B4GALT5: variants seen among roughly 807,000 people sequenced by gnomAD.
The protein encoded by B4GALT5 is beta-1,4-galactosyltransferase 5.
B4GALT5 carries 11 observed loss-of-function variants against 45.0 expected under a neutral mutation model. The observed-to-expected ratio is 0.24, with a 90% confidence interval of 0.15 to 0.40. B4GALT5 has a LOEUF of 0.40. Ranked by LOEUF, B4GALT5 falls within the 10% of genes least tolerant of loss-of-function variation. The probability of loss-of-function intolerance (pLI) is 1.00; values close to 1 mark genes in which losing one functional copy is unlikely to be tolerated. For missense variants in B4GALT5, 337 were observed against 500.2 expected (o/e 0.67, Z 3.11); for synonymous variants, 185 against 182.9 (o/e 1.01, Z -0.09).
intron 1 of B4GALT5, among the ~76,000 whole-genome samples, chr20:49,702,874 T>C (rs2085868189): frequency 6.7e-6 from 1 of 150,014 alleles, no homozygotes. Context: ...AAAAAAACCC[T>C]AAAAAATAGT....
chr20:49,640,074 A>G (rs1473012745), intron 6 of B4GALT5, among the ~76,000 whole-genome samples: 1 of 152,204 alleles, frequency 6.6e-6, no homozygotes, highest in African/African-American at 2.4e-5. Flanking sequence ...ACCACAATCT[A>G]TATTAACATG....
intron 7 of B4GALT5, 108 bp downstream of exon 7, chr20:49,639,570 G>C: frequency 1.4e-6 from 2 of 1,467,498 alleles, no homozygotes; most frequent in South Asian, 1.3e-5. Flanking sequence ...GTAGCTACTA[G>C]AACATGTTAA....
chr20:49,654,546 T>C (rs1056513008), intron 2 of B4GALT5, among the ~76,000 whole-genome samples: 1 of 152,238 alleles, frequency 6.6e-6, no homozygotes, highest in Non-Finnish European at 1.5e-5. Context: ...GTTGCTAAAG[T>C]GGACGGCAAA....
intron 2 of B4GALT5, among the ~76,000 whole-genome samples, chr20:49,656,155 G>C (rs544286983): frequency 1.3e-5 from 2 of 152,132 alleles, no homozygotes; most frequent in East Asian, 3.9e-4. Flanking sequence ...TTGTTAAGAA[G>C]AGCCTGGCCC....
chr20:49,642,643 A>C, intron 4 of B4GALT5, 59 bp from the exon 5 acceptor site: 1 of 1,217,776 alleles, frequency 8.2e-7, no homozygotes, highest in Non-Finnish European at 1.2e-6. Flanking sequence ...ACTCCTTAGC[A>C]GGACACCCCT....
At chr20:49,698,666 G>A (rs1460359040) in intron 1 of B4GALT5, among the ~76,000 whole-genome samples, 1 of 152,124 alleles carries the variant, frequency 6.6e-6, no homozygotes, top group Non-Finnish European at 1.5e-5. Context: ...GCCCCATCCA[G>A]ACAACTGGAC....
chr20:49,668,809 T>TC (rs1472971244), intron 1 of B4GALT5, among the ~76,000 whole-genome samples: 1 of 151,738 alleles, frequency 6.6e-6, no homozygotes, highest in African/African-American at 2.4e-5. Flanking sequence ...GGTTCCAGCC[T>TC]CCCACCCCCA....
At chr20:49,697,616 C>A (rs547097800) in intron 1 of B4GALT5, among the ~76,000 whole-genome samples, 29 of 150,890 alleles carry the variant, frequency 1.9e-4, no homozygotes, top group Middle Eastern at 3.4e-3. Flanking sequence ...CATTTAGATA[C>A]CTGGTTTAGT....
rs1490501105 is a variant in B4GALT5 at position 49,634,144 on chromosome 20, A to G, written c.*2168T>C. 6.6e-6 allele frequency: 1 copy of G among 152,638 alleles called. No individual in the cohort carries two copies. The highest frequency in any genetic ancestry group is 2.4e-5 in the African/African-American group (1 of 41,448). The allele number at this position is 152,638 out of a possible 1,614,324, so 9.5% of individuals were successfully genotyped here. On this transcript the variant is annotated 3_prime_UTR_variant, in exon 9 of 9. Coordinates refer to ENST00000371711, the MANE Select transcript of B4GALT5 (RefSeq NM_004776.4). ...CATATGAGCCGATAAGAGCTTTGCA[A>G]TGCAATTTATTTTCTAAATACCACT...
chr20:49,704,556 A>G (rs2085876156), intron 1 of B4GALT5, among the ~76,000 whole-genome samples: 1 of 151,500 alleles, frequency 6.6e-6, no homozygotes, highest in African/African-American at 2.4e-5. Flanking sequence ...CGTCTCTACT[A>G]AAAATACAAA....
Position 49,635,983 on chromosome 20 carries a change from C to T in B4GALT5, c.*329G>A, listed in dbSNP as rs527757946. The T allele has an allele frequency of 1.8e-5, 5 of 277,832 alleles. No individual in the cohort carries two copies. Among genetic ancestry groups the T allele is most frequent in the Non-Finnish European group, 3.5e-5 (5 of 142,214 alleles). The allele number at this position is 277,832 out of a possible 1,614,324, so 17.2% of individuals were successfully genotyped here. ...ACCACGGCAGGACCACGGCAGATCA[C>T]AGTTCATCATGGGTTCTGGAGACTG... On this transcript the variant is annotated 3_prime_UTR_variant, in exon 9 of 9. Transcript: ENST00000371711.
intron 1 of B4GALT5, among the ~76,000 whole-genome samples, chr20:49,658,788 G>A (rs2085653382): frequency 6.6e-6 from 1 of 152,162 alleles, no homozygotes. Flanking sequence ...ATGTGCACTT[G>A]TAACAAGCTC....
intron 1 of B4GALT5, among the ~76,000 whole-genome samples, chr20:49,680,626 C>T (rs1482877670): frequency 6.6e-6 from 1 of 151,944 alleles, no homozygotes. Flanking sequence ...AATAGGTGGA[C>T]TAATAATAGA....
intron 1 of B4GALT5, among the ~76,000 whole-genome samples, chr20:49,661,423 T>C (rs2085664381): frequency 6.6e-6 from 1 of 152,112 alleles, no homozygotes; most frequent in Admixed American, 6.5e-5. Context: ...TTGGTAGAGA[T>C]GGGGTTTCAC....
At chr20:49,693,142 A>T (rs2085823603) in intron 1 of B4GALT5, among the ~76,000 whole-genome samples, 1 of 152,230 alleles carries the variant, frequency 6.6e-6, no homozygotes, top group African/African-American at 2.4e-5. Context: ...TGCCACAATG[A>T]CAAAATAGCT....
intron 1 of B4GALT5, among the ~76,000 whole-genome samples, chr20:49,685,991 G>GT (rs1453582014): frequency 6.6e-6 from 1 of 151,938 alleles, no homozygotes; most frequent in Non-Finnish European, 1.5e-5. Context: ...AGCTGCTGCT[G>GT]TAACATCTCC....
chr20:49,702,831 G>T (rs1196368686), intron 1 of B4GALT5, among the ~76,000 whole-genome samples: 2 of 151,636 alleles, frequency 1.3e-5, no homozygotes, highest in African/African-American at 4.8e-5. Context: ...CTCCAGCATG[G>T]GCAACAGAGC....
intron 1 of B4GALT5, among the ~76,000 whole-genome samples, chr20:49,668,892 C>T (rs1439760805): frequency 1.3e-5 from 2 of 152,048 alleles, no homozygotes; most frequent in Admixed American, 1.3e-4. Flanking sequence ...GACAGTGTCT[C>T]GTCCTGTCAC....
At position 49,636,091 on chromosome 20, in the gene B4GALT5, T is replaced by G. The variant is rs1047779033; in HGVS notation, c.*221A>C. 1.7e-6 allele frequency: 1 copy of G among 573,594 alleles called. No individual in the cohort carries two copies. The highest frequency in any genetic ancestry group is 1.9e-5 in the African/African-American group (1 of 53,122). 35.5% of individuals were successfully genotyped at this position (573,594 alleles called of 1,614,324 possible). ...TCTTGTGAAAACAGAAAGCCAGTGC[T>G]GACGAAGGAAGTCCCCAAGCTCACT... On this transcript the variant is annotated 3_prime_UTR_variant, in exon 9 of 9. Coordinates refer to ENST00000371711, the MANE Select transcript of B4GALT5 (RefSeq NM_004776.4).
Sources: allele counts gnomAD v4.1 joint callset (sites outside exome capture counted in the v4.1 genomes callset), GRCh38; gene constraint gnomAD v4.1.1; transcripts MANE v1.5; gene names NCBI Gene and HGNC (gene_info 2026-07-23, HGNC 2026-07-21).